KCNQ1OT1: variants seen among roughly 807,000 people sequenced by gnomAD.
KCNQ1OT1 encodes the protein KCNQ1 opposite strand/antisense transcript 1, also known as KCNQ1 antisense RNA 2 (non-protein coding).
exon 1 of KCNQ1OT1, chr11:2,643,963 A>G (rs1849622458): frequency 2.5e-6 from 1 of 398,380 alleles, no homozygotes; most frequent in African/African-American, 2.1e-5. Context: ...CTGCTGAAAA[A>G]TCTGTTAGTC....
At position 2,682,711 on chromosome 11, in the gene KCNQ1OT1, C is replaced by G; in HGVS notation, n.17284G>C. ...GGGTCCAAAGTTGACCAGAATATCT[C>G]TAGTCATAAAGAATCTCTTCCCCTT... On this transcript the variant is annotated non_coding_transcript_exon_variant, in exon 1 of 1. Coordinates refer to ENST00000597346, the Ensembl canonical transcript of KCNQ1OT1. This position sits in a 1 kb window ranked among gnomAD's most constrained non-coding sequence, Gnocchi z 5.8. 1 of 398,616 alleles carries G rather than the reference C, an allele frequency of 2.5e-6. No individual in the cohort carries two copies. The allele number at this position is 398,616 out of a possible 1,614,324, so 24.7% of individuals were successfully genotyped here.
rs923192309 is a variant in KCNQ1OT1, at chr11:2,674,396, CGTGT to C, written n.25595_25598del. 4 of 148,300 alleles carry C rather than the reference CGTGT, an allele frequency of 2.7e-5. No individual in the cohort carries two copies. The highest frequency in any genetic ancestry group is 6.1e-3 in the Middle Eastern group (2 of 328). 9.2% of individuals were successfully genotyped at this position (148,300 alleles called of 1,614,324 possible). ...CCTGCTTAGGGAAGGTGCATGCGTG[CGTGT>C]GTGTGTGCGCGCCCGCGCGCACACG... On this transcript the variant is annotated non_coding_transcript_exon_variant, in exon 1 of 1. Transcript: ENST00000597346. The surrounding 1 kb of genome is among the most constrained non-coding windows in gnomAD (Gnocchi z 5.9).
chr11:2,675,360 G>A (rs368107534), exon 1 of KCNQ1OT1: 3 of 398,420 alleles, frequency 7.5e-6, no homozygotes, highest in Non-Finnish European at 1.3e-5. Flanking sequence ...TTTAAAACAC[G>A]TGTGTGCATT....
chr11:2,699,558 G>A (rs1329370637), exon 1 of KCNQ1OT1: 2 of 326,906 alleles, frequency 6.1e-6, no homozygotes, highest in East Asian at 5.0e-5. Context: ...CCGCGCGGAG[G>A]AGAACCATGC....
At chr11:2,631,816 G>A in exon 1 of KCNQ1OT1, 1 of 398,658 alleles carries the variant, frequency 2.5e-6, no homozygotes, top group Non-Finnish European at 4.4e-6. Context: ...AAGGCTGAGT[G>A]TCCTGATGCT....
At chr11:2,633,092 T>C (rs1416360791) in exon 1 of KCNQ1OT1, 1 of 398,410 alleles carries the variant, frequency 2.5e-6, no homozygotes, top group African/African-American at 2.1e-5. Context: ...GTTTTGTCTT[T>C]TTGAAAACAG....
At chr11:2,638,517 G>T (rs1317892639) in exon 1 of KCNQ1OT1, 1 of 152,120 alleles carries the variant, frequency 6.6e-6, no homozygotes, top group Admixed American at 6.6e-5. Flanking sequence ...CTCTCTTCTG[G>T]CTTGTAGAGT....
In KCNQ1OT1 at chr11:2,668,319, G is replaced by A. The variant is rs1195884145; in HGVS notation, n.31676C>T. On this transcript the variant is annotated non_coding_transcript_exon_variant, in exon 1 of 1. Transcript: ENST00000597346. This position sits in a 1 kb window ranked among gnomAD's most constrained non-coding sequence, Gnocchi z 4.3. ...CAGGTTGCGTTTCTGGGGAATATAT[G>A]CCTATGTGTGGAGCTGCAGGGTCCT... The A allele has an allele frequency of 7.5e-6, 3 of 398,488 alleles. No homozygotes were observed. Among genetic ancestry groups the A allele is most frequent in the Non-Finnish European group, 1.3e-5 (3 of 226,092 alleles). The allele number at this position is 398,488 out of a possible 1,614,324, so 24.7% of individuals were successfully genotyped here.
At chr11:2,655,948 G>GC (rs1360692562) in exon 1 of KCNQ1OT1, 2 of 398,566 alleles carry the variant, frequency 5.0e-6, no homozygotes, top group African/African-American at 4.1e-5. Flanking sequence ...TTCCTCTCTG[G>GC]CAGGTGCAGG....
chr11:2,682,748 T>A lies in KCNQ1OT1; in HGVS notation n.17247A>T, dbSNP rs1233278184. On this transcript the variant is annotated non_coding_transcript_exon_variant, in exon 1 of 1. Coordinates refer to ENST00000597346, the Ensembl canonical transcript of KCNQ1OT1. The surrounding 1 kb of genome is among the most constrained non-coding windows in gnomAD (Gnocchi z 5.8). Reference sequence around the variant, plus strand: ...AATCTCTTCCCCTTGAGCCCACTCATCTCTGTTGACATTCTAGAAATGCAG... The same window carrying A: ...AATCTCTTCCCCTTGAGCCCACTCAACTCTGTTGACATTCTAGAAATGCAG... 5 of 398,550 alleles carry A rather than the reference T, an allele frequency of 1.3e-5. No homozygotes were observed. The highest frequency in any genetic ancestry group is 2.1e-5 in the African/African-American group (1 of 48,626). The allele number at this position is 398,550 out of a possible 1,614,324, so 24.7% of individuals were successfully genotyped here.
At chr11:2,610,010 ATATTATTATTGATAT>A (rs1848952897) in exon 1 of KCNQ1OT1, 1 of 397,806 alleles carries the variant, frequency 2.5e-6, no homozygotes, top group Non-Finnish European at 4.4e-6. Context: ...TTCACATTTA[ATATTATTATTGATAT>A]AATTAGATTT....
exon 1 of KCNQ1OT1, chr11:2,666,417 G>A (rs532575194): frequency 5.0e-6 from 2 of 398,586 alleles, no homozygotes; most frequent in Non-Finnish European, 8.8e-6. Context: ...AGCCCCGTGT[G>A]CGTTAATTAG....
chr11:2,653,179 A>G lies in KCNQ1OT1; in HGVS notation n.46816T>C. ...TCCCACCTTAGGAAATCCCTTTCCA[A>G]GAGTTCCCTGTGCTGTTGCAGGGCT... On this transcript the variant is annotated non_coding_transcript_exon_variant, in exon 1 of 1. Coordinates refer to ENST00000597346, the Ensembl canonical transcript of KCNQ1OT1. This position sits in a 1 kb window ranked among gnomAD's most constrained non-coding sequence, Gnocchi z 5.3. 1 of 398,724 alleles carries G rather than the reference A, an allele frequency of 2.5e-6. No individual in the cohort carries two copies. The highest frequency in any genetic ancestry group is 4.4e-6 in the Non-Finnish European group (1 of 226,118). 24.7% of individuals were successfully genotyped at this position (398,724 alleles called of 1,614,324 possible). A position where few individuals can be genotyped will look rare whatever the true frequency, so the allele number is the denominator to read the frequency against.
In KCNQ1OT1 at chr11:2,662,174, A is replaced by G. The variant is rs866713670; in HGVS notation, n.37821T>C. 7.3e-5 allele frequency: 114 copies of G among 1,563,524 alleles called. No individual in the cohort carries two copies. In the Middle Eastern group the frequency reaches 1.6e-3, roughly 22 times the overall value. On this transcript the variant is annotated non_coding_transcript_exon_variant, in exon 1 of 1. Coordinates refer to ENST00000597346, the Ensembl canonical transcript of KCNQ1OT1. ...GCTGGGGAAGCCTTGCTCTCTGGCC[A>G]GAGTGCTATCTACTCGCCTAGTGCC...
chr11:2,618,115 A>G (rs1389692635), exon 1 of KCNQ1OT1: 1 of 398,374 alleles, frequency 2.5e-6, no homozygotes, highest in African/African-American at 2.1e-5. Context: ...AGCCATGTCG[A>G]GCTTTTCCCC....
At position 2,673,877 on chromosome 11, in the gene KCNQ1OT1, C is replaced by T. The variant is rs140146802; in HGVS notation, n.26118G>A. ...GATATGAAGAGGGACTTCCTGAAAG[C>T]AGGCACAGGAAGGGATGGGAGCTCA... On this transcript the variant is annotated non_coding_transcript_exon_variant, in exon 1 of 1. Coordinates refer to ENST00000597346, the Ensembl canonical transcript of KCNQ1OT1. The surrounding 1 kb of genome is among the most constrained non-coding windows in gnomAD (Gnocchi z 4.5). 7 of 398,434 alleles carry T rather than the reference C, an allele frequency of 1.8e-5. No homozygotes were observed. The highest frequency in any genetic ancestry group is 2.7e-5 in the Non-Finnish European group (6 of 226,148). The allele number at this position is 398,434 out of a possible 1,614,324, so 24.7% of individuals were successfully genotyped here.
In KCNQ1OT1 at chr11:2,612,330, A is replaced by G. The variant is rs966108151; in HGVS notation, n.87665T>C. 2.5e-5 allele frequency: 10 copies of G among 398,566 alleles called. No individual in the cohort carries two copies. Among genetic ancestry groups the G allele is most frequent in the East Asian group, 1.4e-4 (4 of 28,088 alleles). The allele number at this position is 398,566 out of a possible 1,614,324, so 24.7% of individuals were successfully genotyped here. ...GAGAATCTAACTAAAGCCTCCCCCA[A>G]CTGGCTGTGGAAAAATTGTCTTCCA... On this transcript the variant is annotated non_coding_transcript_exon_variant, in exon 1 of 1. Coordinates refer to ENST00000597346, the Ensembl canonical transcript of KCNQ1OT1. This position sits in a 1 kb window ranked among gnomAD's most constrained non-coding sequence, Gnocchi z 5.5.
At chr11:2,686,800 C>G in exon 1 of KCNQ1OT1, 1 of 398,688 alleles carries the variant, frequency 2.5e-6, no homozygotes, top group Non-Finnish European at 4.4e-6. Flanking sequence ...CAAGCAGCCC[C>G]TGCTCACCCC....
Position 2,657,982 on chromosome 11 carries a change from C to T in KCNQ1OT1, n.42013G>A, listed in dbSNP as rs138132996. 612 of 398,586 alleles carry T rather than the reference C, an allele frequency of 1.5e-3. 3 individuals are homozygous for T. Among genetic ancestry groups the T allele is most frequent in the African/African-American group, 0.011 (533 of 48,740 alleles). 24.7% of individuals were successfully genotyped at this position (398,586 alleles called of 1,614,324 possible). A position where few individuals can be genotyped will look rare whatever the true frequency, so the allele number is the denominator to read the frequency against. On this transcript the variant is annotated non_coding_transcript_exon_variant, in exon 1 of 1. Transcript: ENST00000597346. The surrounding 1 kb of genome is among the most constrained non-coding windows in gnomAD (Gnocchi z 4.8). Reference sequence around the variant, plus strand: ...CGTTTAAAGTGGTGTCGGCCAGGCTCCTCCACTGTAAGTGAATAGCTGTTT... The same window carrying T: ...CGTTTAAAGTGGTGTCGGCCAGGCTTCTCCACTGTAAGTGAATAGCTGTTT...
Sources: gnomAD v4.1 joint callset for allele counts on GRCh38, gnomAD v4.1.1 for gene constraint, Gnocchi (gnomAD v3.1) non-coding constraint, MANE v1.5 for transcripts, NCBI Gene and HGNC (gene_info 2026-07-23, HGNC 2026-07-21) for gene names.